The following VRK2 variants were observed in gnomAD, a reference collection of about 807,000 sequenced individuals.
The protein encoded by VRK2 is VRK serine/threonine kinase 2.
A neutral mutation model predicts 57.6 loss-of-function variants in VRK2; 60 were observed. The ratio of observed to expected loss-of-function variants is 1.04; its 90% confidence interval spans 0.85 to 1.29. The LOEUF is 1.29. Ranked by LOEUF, VRK2 falls within the 50% of genes most tolerant of loss-of-function variation. The probability of loss-of-function intolerance (pLI) is 0.00; values close to 1 mark genes in which losing one functional copy is unlikely to be tolerated. For synonymous variants in VRK2, 231 were observed against 199.2 expected (o/e 1.16, Z -1.35); for missense variants, 705 against 588.1 (o/e 1.20, Z -2.06).
intron 7 of VRK2, among the ~76,000 whole-genome samples, chr2:58,115,082 G>A (rs906953407): frequency 2.0e-5 from 3 of 152,174 alleles, no homozygotes; most frequent in Non-Finnish European, 4.4e-5. Flanking sequence ...GAAAGGAAAT[G>A]AGAGGTTCTG....
In VRK2 at chr2:58,034,646, C is replaced by T. The variant is rs189247622; in HGVS notation, c.-6+1093C>T. ...ATCTGAATTGCTGTTTCTGGCCATT[C>T]CATCTTACCCTCTGTTCCATTCCAT... On this transcript the variant is annotated intron_variant, in intron 3 of 15. Coordinates refer to the VRK2 transcript ENST00000417641. Among the ~76,000 whole-genome samples, 12 of 152,078 alleles carry T rather than the reference C, an allele frequency of 7.9e-5. No homozygotes were observed. The East Asian group carries it at 1.7e-3, about 22-fold the overall frequency.
chr2:58,040,079 T>C (rs187066149), intron 3 of VRK2, among the ~76,000 whole-genome samples: 119 of 151,900 alleles, frequency 7.8e-4, no homozygotes, highest in African/African-American at 2.7e-3. Flanking sequence ...ACCTGGCTAA[T>C]TTTTTTTACT....
chr2:58,135,368 C>A (rs1394095830), intron 10 of VRK2, among the ~76,000 whole-genome samples, 169 bp downstream of exon 10: 1 of 151,038 alleles, frequency 6.6e-6, no homozygotes, highest in South Asian at 2.1e-4. Context: ...ATGTTTAAAT[C>A]ATCTTTAACA....
intron 1 of VRK2, among the ~76,000 whole-genome samples, chr2:57,910,661 G>A (rs1214393964): frequency 6.6e-6 from 1 of 152,136 alleles, no homozygotes; most frequent in Non-Finnish European, 1.5e-5. Flanking sequence ...AGGAGATAAA[G>A]TATACATTTT....
chr2:57,917,380 T>A (rs766088452), intron 1 of VRK2, among the ~76,000 whole-genome samples: 2 of 151,824 alleles, frequency 1.3e-5, no homozygotes, highest in African/African-American at 4.8e-5. Context: ...ATGACCCAAA[T>A]TGAAGACGAG....
chr2:58,128,460 T>A (rs2104521730), intron 8 of VRK2, among the ~76,000 whole-genome samples: 1 of 152,170 alleles, frequency 6.6e-6, no homozygotes, highest in Admixed American at 6.5e-5. Flanking sequence ...GCCTCCTGAG[T>A]AGCTGGGATT....
At chr2:58,156,680 A>G (rs1288285914) in intron 12 of VRK2, among the ~76,000 whole-genome samples, 1 of 151,862 alleles carries the variant, frequency 6.6e-6, no homozygotes, top group East Asian at 1.9e-4. Flanking sequence ...TTTTCATGTT[A>G]TACCCTGTAT....
chr2:58,017,912 C>T (rs900040097), intron 1 of VRK2: 2 of 152,074 alleles, frequency 1.3e-5, no homozygotes, highest in Non-Finnish European at 1.5e-5. Flanking sequence ...TGAAAATATT[C>T]GTAGTACATA....
At chr2:57,922,108 C>G (rs955206599) in intron 1 of VRK2, among the ~76,000 whole-genome samples, 1 of 151,924 alleles carries the variant, frequency 6.6e-6, no homozygotes, top group Non-Finnish European at 1.5e-5. Context: ...CCTAAGGCTA[C>G]TTGTGTTTGA....
intron 1 of VRK2, among the ~76,000 whole-genome samples, chr2:58,002,974 T>A (rs1262759791): frequency 6.6e-6 from 1 of 152,156 alleles, no homozygotes; most frequent in African/African-American, 2.4e-5. Context: ...TTATATACAA[T>A]AGTGTTGGAA....
At chr2:58,068,116 G>C (rs1668876288) in intron 2 of VRK2, among the ~76,000 whole-genome samples, 1 of 151,988 alleles carries the variant, frequency 6.6e-6, no homozygotes, top group African/African-American at 2.4e-5. Flanking sequence ...TTTTAGTAGA[G>C]ATGAGGTTTC....
chr2:58,137,116 C>A (rs1471455855), intron 10 of VRK2, among the ~76,000 whole-genome samples: 53 of 64,934 alleles, frequency 8.2e-4, no homozygotes, highest in African/African-American at 2.6e-3. Context: ...TAACATATAT[C>A]ATATATGTGT....
chr2:58,099,454 C>T (rs936544372), intron 7 of VRK2, among the ~76,000 whole-genome samples: 2 of 151,992 alleles, frequency 1.3e-5, no homozygotes, highest in African/African-American at 4.8e-5. Context: ...TTTTATATTC[C>T]TCGCAGCATG....
chr2:58,048,639 T>C, intron 1 of VRK2, 188 bp from the exon 2 acceptor site: 1 of 1,497,958 alleles, frequency 6.7e-7, no homozygotes, highest in Non-Finnish European at 9.0e-7. Flanking sequence ...GATCTCAGTA[T>C]TGTAATGTAT....
At chr2:58,061,370 G>C (rs573432462) in intron 2 of VRK2, among the ~76,000 whole-genome samples, 18 of 151,948 alleles carry the variant, frequency 1.2e-4, no homozygotes, top group Non-Finnish European at 2.2e-4. Flanking sequence ...CAACCAGTAA[G>C]TAACTGGCCA....
At chr2:58,115,448 T>C (rs1324813285) in intron 7 of VRK2, among the ~76,000 whole-genome samples, 1 of 152,088 alleles carries the variant, frequency 6.6e-6, no homozygotes. Context: ...GAGAGTGAGT[T>C]GAGCATAGTT....
intron 1 of VRK2, among the ~76,000 whole-genome samples, chr2:57,951,228 G>A (rs1474469021): frequency 1.3e-5 from 2 of 152,164 alleles, no homozygotes; most frequent in Non-Finnish European, 2.9e-5. Context: ...CTTCAGTGGA[G>A]GAAGTAACGG....
chr2:57,945,436 T>C (rs1033536002), intron 1 of VRK2, among the ~76,000 whole-genome samples: 3 of 152,148 alleles, frequency 2.0e-5, no homozygotes, highest in Admixed American at 6.5e-5. Context: ...ATAGCTACTT[T>C]TCTGAGAAAA....
At chr2:57,983,092 T>C (rs1672481950) in intron 1 of VRK2, among the ~76,000 whole-genome samples, 4 of 152,134 alleles carry the variant, frequency 2.6e-5, no homozygotes, top group Admixed American at 2.0e-4. Context: ...TTCCTCCTTT[T>C]TTAGCCCACA....
Sources: gnomAD v4.1 joint callset for allele counts (sites outside exome capture counted in the v4.1 genomes callset) on GRCh38, gnomAD v4.1.1 for gene constraint, MANE v1.5 for transcripts, NCBI Gene and HGNC (gene_info 2026-07-23, HGNC 2026-07-21) for gene names.